RBFOX1: variants seen among roughly 807,000 people sequenced by gnomAD.
RBFOX1 encodes the protein RNA binding protein fox-1 homolog 1.
In RBFOX1, 8 loss-of-function variants were observed where a neutral mutation model predicts 57.7. The observed-to-expected ratio is 0.14, with a 90% CI of 0.08 to 0.25. RBFOX1 has a LOEUF of 0.25. Ranked by LOEUF, RBFOX1 falls within the 10% of genes least tolerant of loss-of-function variation. The probability of loss-of-function intolerance (pLI) is 1.00; values close to 1 mark genes in which losing one functional copy is unlikely to be tolerated. For missense variants in RBFOX1, 611 were observed against 548.5 expected, an observed-to-expected ratio of 1.11 and a Z score of -1.14; for synonymous variants, 326 against 222.4, an observed-to-expected ratio of 1.47 and a Z score of -4.15.
At chr16:6,879,106 T>C (rs1160467188) in intron 3 of RBFOX1, among the ~76,000 whole-genome samples, 6 of 152,364 alleles carry the variant, frequency 3.9e-5, no homozygotes, top group Admixed American at 1.3e-4. Flanking sequence ...ATAGCTTGAA[T>C]ATATTACAGT....
At chr16:6,113,328 G>A (rs914033963) in intron 1 of RBFOX1, among the ~76,000 whole-genome samples, 2 of 152,170 alleles carry the variant, frequency 1.3e-5, no homozygotes, top group African/African-American at 4.8e-5. Flanking sequence ...AAGTTATGTG[G>A]CCAAATCCAA....
At chr16:7,443,240 A>T (rs1037646186) in intron 4 of RBFOX1, among the ~76,000 whole-genome samples, 1 of 151,550 alleles carries the variant, frequency 6.6e-6, no homozygotes, top group South Asian at 2.1e-4. Context: ...CAACAAATGC[A>T]TTTCTCCAGT....
At chr16:7,098,607 G>A (rs1162323690) in intron 4 of RBFOX1, among the ~76,000 whole-genome samples, 2 of 152,080 alleles carry the variant, frequency 1.3e-5, no homozygotes, top group South Asian at 2.1e-4. Flanking sequence ...TAATAACACA[G>A]GAAATTCATT....
chr16:7,703,335 A>G (rs978215867), intron 14 of RBFOX1, among the ~76,000 whole-genome samples: 4 of 152,148 alleles, frequency 2.6e-5, no homozygotes, highest in African/African-American at 9.7e-5. Flanking sequence ...GTACAAGCCC[A>G]TGCATTTTCT....
chr16:6,807,245 C>G (rs1472206147), intron 3 of RBFOX1, among the ~76,000 whole-genome samples: 1 of 152,006 alleles, frequency 6.6e-6, no homozygotes, highest in Non-Finnish European at 1.5e-5. Context: ...AGCTGATGCC[C>G]TCTTAAACTA....
At chr16:6,151,579 A>T (rs1282922643) in intron 1 of RBFOX1, among the ~76,000 whole-genome samples, 1 of 152,112 alleles carries the variant, frequency 6.6e-6, no homozygotes, top group Non-Finnish European at 1.5e-5. Context: ...AGCCACTGCA[A>T]CTGGCCTATA....
At chr16:7,682,817 CT>C (rs1488550008) in intron 14 of RBFOX1, among the ~76,000 whole-genome samples, 2 of 149,740 alleles carry the variant, frequency 1.3e-5, no homozygotes, top group Admixed American at 1.3e-4. Flanking sequence ...GTTTACTTTC[CT>C]AACAGATCCA....
At chr16:5,585,983 T>C (rs1302790880) in intron 2 of RBFOX1, among the ~76,000 whole-genome samples, 1 of 152,194 alleles carries the variant, frequency 6.6e-6, no homozygotes, top group Non-Finnish European at 1.5e-5. Context: ...AATTCAGGGA[T>C]GTCATGATGA....
rs143984452 is a variant in RBFOX1, at chr16:6,955,113, T to C, written c.-15-96944T>C. 4.5e-3 allele frequency among the ~76,000 whole-genome samples: 681 copies of C among 151,044 alleles called. 10 individuals carry two copies. The highest frequency in any genetic ancestry group is 0.016 in the African/African-American group (643 of 41,188). On this transcript the variant is annotated intron_variant, in intron 3 of 15. Transcript: ENST00000550418. The stretch of plus-strand genomic sequence containing the variant: ...AAAATTAGCTGGGCATGGTGGATTA[T>C]GCCTGTAGTCCCAGCTACTTGGGAG...
intron 5 of RBFOX1, among the ~76,000 whole-genome samples, chr16:7,529,271 ACAACAAGAAGAAAAAGAAAACT>A (rs1255009317): frequency 6.6e-6 from 1 of 152,170 alleles, no homozygotes; most frequent in Non-Finnish European, 1.5e-5. Context: ...AAAAACAACA[ACAACAAGAAGAAAAAGAAAACT>A]CAAATACTTT....
rs561472477 is a variant in RBFOX1, at chr16:7,659,353, G to A, written c.890+5406G>A. 4.6e-5 allele frequency among the ~76,000 whole-genome samples: 7 copies of A among 152,316 alleles called. No individual in the cohort carries two copies. In the South Asian group the frequency reaches 1.5e-3, roughly 32 times the overall value. On this transcript the variant is annotated intron_variant, in intron 12 of 15. Coordinates refer to ENST00000550418, the MANE Select transcript of RBFOX1 (RefSeq NM_018723.4). ...CTATGGGCATATCTTTCTGTGTACA[G>A]ATCAGCCATGCTTTCTGGTTTTATC...
intron 3 of RBFOX1, among the ~76,000 whole-genome samples, chr16:6,679,472 G>A (rs1444932974): frequency 6.6e-6 from 1 of 152,004 alleles, no homozygotes; most frequent in Non-Finnish European, 1.5e-5. Context: ...TCTTTGACCT[G>A]GGAAGTTTCC....
At position 5,386,898 on chromosome 16, in the gene RBFOX1, A is replaced by G. The variant is rs143424967; in HGVS notation, c.220-80318A>G. On this transcript the variant is annotated intron_variant, in intron 1 of 2. Coordinates refer to the RBFOX1 transcript ENST00000585867. Reference sequence around the variant, plus strand: ...AAACCCCATCTCTACTAAAAATACAAAAATTAGCTGGGCGTGGTGGTGGGT... The same window carrying G: ...AAACCCCATCTCTACTAAAAATACAGAAATTAGCTGGGCGTGGTGGTGGGT... 7.2e-3 allele frequency among the ~76,000 whole-genome samples: 1,102 copies of G among 152,242 alleles called. 14 individuals are homozygous for G. Among genetic ancestry groups the G allele is most frequent in the African/African-American group, 0.025 (1,021 of 41,548 alleles).
intron 4 of RBFOX1, among the ~76,000 whole-genome samples, chr16:7,392,086 G>T (rs1186351169): frequency 1.3e-5 from 2 of 152,166 alleles, no homozygotes; most frequent in Admixed American, 1.3e-4. Flanking sequence ...ATTATTTTCA[G>T]TGTTTGAAAG....
intron 1 of RBFOX1, among the ~76,000 whole-genome samples, chr16:5,383,885 C>T (rs1367946843): frequency 6.6e-6 from 1 of 152,190 alleles, no homozygotes; most frequent in Non-Finnish European, 1.5e-5. Context: ...ATGACTACTT[C>T]AGGTAAGGCT....
chr16:6,082,920 G>C (rs1220767590), intron 1 of RBFOX1, among the ~76,000 whole-genome samples: 1 of 152,136 alleles, frequency 6.6e-6, no homozygotes, highest in South Asian at 2.1e-4. Flanking sequence ...CTGCTCTACA[G>C]ACTCACCCAA....
At chr16:6,503,424 C>G (rs189379447) in intron 2 of RBFOX1, among the ~76,000 whole-genome samples, 71 of 152,238 alleles carry the variant, frequency 4.7e-4, no homozygotes, top group African/African-American at 1.6e-3. Context: ...TTAAAAAAAT[C>G]ATATGTTTGT....
intron 3 of RBFOX1, among the ~76,000 whole-genome samples, chr16:6,897,661 C>T (rs1050792147): frequency 2.6e-5 from 4 of 151,742 alleles, no homozygotes; most frequent in African/African-American, 9.7e-5. Context: ...GGCTTGGTGG[C>T]ACGTGTCTGT....
At chr16:7,087,554 G>C (rs1208127018) in intron 4 of RBFOX1, among the ~76,000 whole-genome samples, 1 of 144,054 alleles carries the variant, frequency 6.9e-6, no homozygotes. Flanking sequence ...AGGGAAAAGA[G>C]AGAGAGAGAA....
Sources: gnomAD v4.1 joint callset for allele counts (sites outside exome capture counted in the v4.1 genomes callset) on GRCh38, gnomAD v4.1.1 for gene constraint, MANE v1.5 for transcripts, NCBI Gene and HGNC (gene_info 2026-07-23, HGNC 2026-07-21) for gene names.